IGF2BP2: variants seen among roughly 807,000 people sequenced by gnomAD.
IGF2BP2 encodes insulin-like growth factor 2 mRNA-binding protein 2.
In IGF2BP2, 17 loss-of-function variants were observed where a neutral mutation model predicts 75.8. That is an observed-to-expected ratio of 0.22 (90% confidence interval 0.15 to 0.34). IGF2BP2 has a LOEUF of 0.34. Ranked by LOEUF, IGF2BP2 falls within the 10% of genes least tolerant of loss-of-function variation. The pLI, the probability that IGF2BP2 is intolerant of heterozygous loss-of-function variation, is 1.00. For missense variants in IGF2BP2, 516 were observed against 772.4 expected (o/e 0.67, Z 3.93); for synonymous variants, 288 against 295.6 (o/e 0.97, Z 0.26).
At chr3:185,802,533 T>C (rs1381011266) in intron 2 of IGF2BP2, among the ~76,000 whole-genome samples, 1 of 152,252 alleles carries the variant, frequency 6.6e-6, no homozygotes, top group Non-Finnish European at 1.5e-5. Flanking sequence ...GCTGAAGTCA[T>C]GCTCTTCCAA....
At chr3:185,697,334 G>A (rs1353196681) in intron 3 of IGF2BP2, among the ~76,000 whole-genome samples, 1 of 151,872 alleles carries the variant, frequency 6.6e-6, no homozygotes, top group Non-Finnish European at 1.5e-5. Flanking sequence ...TCAAACTCCT[G>A]ACCTCAAGTG....
Position 185,698,512 on chromosome 3 carries a change from G to GT in IGF2BP2, c.240-166dup, listed in dbSNP as rs139257704. On this transcript the variant is annotated intron_variant, in intron 2 of 15. Transcript: ENST00000382199. ...GAATCATGAGCATAGTTTTTTTGTT[G>GT]TTTTTTTTCGAGCCAGAGTCTCGCT... Among the ~76,000 whole-genome samples the GT allele has an allele frequency of 3.9e-3, 598 of 151,896 alleles. 7 individuals carry two copies. The highest frequency in any genetic ancestry group is 0.014 in the Middle Eastern group (4 of 294).
chr3:185,709,808 G>A (rs903407158), intron 2 of IGF2BP2, among the ~76,000 whole-genome samples: 1 of 152,120 alleles, frequency 6.6e-6, no homozygotes, highest in Non-Finnish European at 1.5e-5. Flanking sequence ...TCACACAAGA[G>A]AGCACCATCT....
chr3:185,785,892 G>C (rs528806992), intron 2 of IGF2BP2, among the ~76,000 whole-genome samples: 1 of 152,232 alleles, frequency 6.6e-6, no homozygotes, highest in Admixed American at 6.5e-5. Flanking sequence ...ATTAAAAGTA[G>C]ATCTAAGGAT....
chr3:185,704,033 T>C (rs533238140), intron 2 of IGF2BP2, among the ~76,000 whole-genome samples: 3 of 152,242 alleles, frequency 2.0e-5, no homozygotes, highest in African/African-American at 7.2e-5. Flanking sequence ...CAGGTAACTT[T>C]TGGGCAAGAG....
At chr3:185,779,148 G>C (rs1734895073) in intron 2 of IGF2BP2, among the ~76,000 whole-genome samples, 1 of 150,934 alleles carries the variant, frequency 6.6e-6, no homozygotes, top group Admixed American at 6.6e-5. Flanking sequence ...TAAAACTCAT[G>C]AGTCAAAATA....
chr3:185,703,568 G>A lies in IGF2BP2; in HGVS notation c.240-5221C>T, dbSNP rs375035883. ...ATGGATCACTTGAGGTCAGGAGTTC[G>A]AGACCAGCCTGGCCAACATGGTGAA... On this transcript the variant is annotated intron_variant, in intron 2 of 15. Transcript: ENST00000382199. Among the ~76,000 whole-genome samples the A allele has an allele frequency of 3.3e-4, 50 of 152,168 alleles. 1 individual carries two copies. The South Asian group carries it at 9.3e-3, about 28-fold the overall frequency.
chr3:185,811,273 G>C (rs180686379), intron 2 of IGF2BP2, among the ~76,000 whole-genome samples: 64 of 152,242 alleles, frequency 4.2e-4, no homozygotes, highest in African/African-American at 7.2e-4. Flanking sequence ...ATCATCATTA[G>C]ATAAGATCCA....
At chr3:185,799,613 G>T (rs535859261) in intron 2 of IGF2BP2, among the ~76,000 whole-genome samples, 6 of 152,256 alleles carry the variant, frequency 3.9e-5, no homozygotes, top group South Asian at 4.2e-4. Context: ...TTAGCTGGGC[G>T]TGGTGGCGGG....
At chr3:185,725,975 A>G (rs574016294) in intron 2 of IGF2BP2, among the ~76,000 whole-genome samples, 2 of 152,180 alleles carry the variant, frequency 1.3e-5, no homozygotes, top group East Asian at 3.8e-4. Flanking sequence ...ATAAATTAAT[A>G]AATTAATTAC....
chr3:185,656,732 G>C (rs1715496221), intron 12 of IGF2BP2, among the ~76,000 whole-genome samples: 1 of 152,220 alleles, frequency 6.6e-6, no homozygotes, highest in African/African-American at 2.4e-5. Context: ...GCAGGATGTG[G>C]GCCTGGAGCT....
intron 2 of IGF2BP2, among the ~76,000 whole-genome samples, chr3:185,791,054 A>C (rs1315999161): frequency 6.6e-6 from 1 of 152,196 alleles, no homozygotes; most frequent in Non-Finnish European, 1.5e-5. Flanking sequence ...CTAAAATAGC[A>C]GGAGTTTCTA....
At chr3:185,705,653 T>G (rs553583276) in intron 2 of IGF2BP2, among the ~76,000 whole-genome samples, 21 of 152,178 alleles carry the variant, frequency 1.4e-4, no homozygotes, top group Non-Finnish European at 2.6e-4. Flanking sequence ...TAAACAGAAA[T>G]TTATTTCTCA....
intron 2 of IGF2BP2, among the ~76,000 whole-genome samples, chr3:185,701,201 A>G (rs73175562): frequency 0.063 from 9,655 of 152,116 alleles, 416 homozygotes; most frequent in Middle Eastern, 0.14. Flanking sequence ...AAGTGCTAAG[A>G]TTAAAGGCAT....
intron 7 of IGF2BP2, among the ~76,000 whole-genome samples, chr3:185,684,363 T>A (rs1720812244): frequency 1.3e-5 from 2 of 152,218 alleles, no homozygotes; most frequent in Non-Finnish European, 2.9e-5. Context: ...TTACATGTCA[T>A]CATTGGATAC....
At chr3:185,744,360 T>A (rs1319804138) in intron 2 of IGF2BP2, among the ~76,000 whole-genome samples, 1 of 152,208 alleles carries the variant, frequency 6.6e-6, no homozygotes, top group African/African-American at 2.4e-5. Context: ...ATGTGTTTTG[T>A]GTACTTTTGT....
intron 2 of IGF2BP2, among the ~76,000 whole-genome samples, chr3:185,821,939 TAGAGG>T (rs943418377): frequency 6.6e-6 from 1 of 152,002 alleles, no homozygotes; most frequent in Non-Finnish European, 1.5e-5. Context: ...TCTTTCCCAA[TAGAGG>T]AAAGAACTAG....
chr3:185,668,504 G>GATATAT (rs199744636), intron 10 of IGF2BP2, among the ~76,000 whole-genome samples: 87 of 122,990 alleles, frequency 7.1e-4, no homozygotes, highest in African/African-American at 1.6e-3. Flanking sequence ...GAGAGAGAGA[G>GATATAT]AGAGATATAT....
At chr3:185,712,616 T>A (rs1337053446) in intron 2 of IGF2BP2, 1 of 152,108 alleles carries the variant, frequency 6.6e-6, no homozygotes, top group African/African-American at 2.4e-5. Context: ...TCTAAATCTA[T>A]GATTTACCTC....
Sources: gnomAD v4.1 joint callset for allele counts (sites outside exome capture counted in the v4.1 genomes callset) on GRCh38, gnomAD v4.1.1 for gene constraint, MANE v1.5 for transcripts, NCBI Gene and HGNC (gene_info 2026-07-23, HGNC 2026-07-21) for gene names.